The following TDRD3 variants were observed in gnomAD, a reference collection of about 807,000 sequenced individuals.
TDRD3 encodes tudor domain-containing protein 3.
In TDRD3, 45 loss-of-function variants were observed where a neutral mutation model predicts 86.7. The observed-to-expected ratio is 0.52, with a 90% CI of 0.41 to 0.67. The LOEUF (loss-of-function observed/expected upper bound fraction) is 0.67. TDRD3 is among the 30% of genes least tolerant of loss of function. The probability of loss-of-function intolerance (pLI) is 0.00; values close to 1 mark genes in which losing one functional copy is unlikely to be tolerated. For synonymous variants in TDRD3, 298 were observed against 301.7 expected (o/e 0.99, Z 0.13); for missense variants, 814 against 889.0 (o/e 0.92, Z 1.07).
At chr13:60,413,662 A>G (rs992480303) in intron 1 of TDRD3, among the ~76,000 whole-genome samples, 1 of 152,140 alleles carries the variant, frequency 6.6e-6, no homozygotes, top group Non-Finnish European at 1.5e-5. Flanking sequence ...AAATACATTC[A>G]TGTTACTTGC....
rs144225138 is a variant in TDRD3 at position 60,523,791 on chromosome 13, A to G, written c.1142-4576A>G. On this transcript the variant is annotated intron_variant, in intron 10 of 13. Transcript: ENST00000377881. ...GGGGTTTCACCATGTTGGCCAGACT[A>G]GTTTTGAACTCCTGACCTCAAGTGA... Among the ~76,000 whole-genome samples the G allele has an allele frequency of 5.0e-3, 758 of 151,828 alleles. 3 individuals carry two copies. Among genetic ancestry groups the G allele is most frequent in the Middle Eastern group, 0.024 (7 of 294 alleles).
chr13:60,495,747 C>T (rs1385285939), intron 8 of TDRD3, among the ~76,000 whole-genome samples: 7 of 152,118 alleles, frequency 4.6e-5, no homozygotes, highest in African/African-American at 1.2e-4. Context: ...GGATTACAGG[C>T]GTGAGCCACC....
chr13:60,481,654 C>T (rs950296571), intron 5 of TDRD3, among the ~76,000 whole-genome samples: 1 of 151,868 alleles, frequency 6.6e-6, no homozygotes, highest in Non-Finnish European at 1.5e-5. Context: ...CTTTTAAATA[C>T]TTACACATAG....
chr13:60,522,800 C>A (rs1174803372), intron 10 of TDRD3, among the ~76,000 whole-genome samples: 1 of 152,158 alleles, frequency 6.6e-6, no homozygotes. Flanking sequence ...TGTGAAAGAG[C>A]CTTTGTGATT....
At chr13:60,551,472 T>C (rs183918979) in intron 12 of TDRD3, among the ~76,000 whole-genome samples, 10 of 152,186 alleles carry the variant, frequency 6.6e-5, no homozygotes, top group Non-Finnish European at 1.5e-4. Context: ...CTGAAAGTAA[T>C]GCTTGTTGCC....
At chr13:60,453,421 T>C (rs1955593040) in intron 3 of TDRD3, among the ~76,000 whole-genome samples, 1 of 152,226 alleles carries the variant, frequency 6.6e-6, no homozygotes, top group Admixed American at 6.5e-5. Context: ...AGTAATTGTT[T>C]TTCTACTGAA....
At chr13:60,405,109 G>A (rs191611762) in intron 1 of TDRD3, among the ~76,000 whole-genome samples, 27 of 152,146 alleles carry the variant, frequency 1.8e-4, no homozygotes, top group Admixed American at 7.2e-4. Context: ...TAAATTGCCC[G>A]GTCTCAGGTA....
intron 2 of TDRD3, among the ~76,000 whole-genome samples, chr13:60,442,471 T>C (rs1468635424): frequency 6.6e-6 from 1 of 151,936 alleles, no homozygotes; most frequent in African/African-American, 2.4e-5. Flanking sequence ...AGGCTAAAAG[T>C]TTTCCTGTAT....
chr13:60,496,299 AT>A (rs1430618499), intron 8 of TDRD3, among the ~76,000 whole-genome samples: 1 of 15,640 alleles, frequency 6.4e-5, no homozygotes, highest in East Asian at 1.3e-3. Flanking sequence ...ATATATATAT[AT>A]ATATATATAT....
Position 60,567,621 on chromosome 13 carries a change from C to T in TDRD3, c.2215C>T (p.Pro739Ser). The T allele has an allele frequency of 1.2e-6, 2 of 1,614,144 alleles. No homozygotes were observed. Among genetic ancestry groups the T allele is most frequent in the Non-Finnish European group, 1.7e-6 (2 of 1,180,032 alleles). The change falls in exon 13 of 14, where the codon CCA becomes TCA. Residue 739 changes from proline (P) to serine (S), a missense_variant. Physicochemically the swap from Pro to Ser is moderately conservative, Grantham distance 74. Coordinates refer to ENST00000377881, the MANE Select transcript of TDRD3 (RefSeq NM_001146070.2). ...STRPTQQFYQPPRARN is the reference protein window; with the variant it reads ...STRPTQQFYQSPRARN The stretch of plus-strand genomic sequence containing the variant: ...TCGGCCAACCCAACAGTTTTACCAA[C>T]CACCCCGGGCTCGGAACTAATAGGA...
In TDRD3 at chr13:60,438,972, A is replaced by C. The variant is rs17058169; in HGVS notation, c.42-716A>C. 9.4e-3 allele frequency among the ~76,000 whole-genome samples: 1,428 copies of C among 152,226 alleles called. 19 individuals are homozygous for C. Among genetic ancestry groups the C allele is most frequent in the African/African-American group, 0.032 (1,331 of 41,530 alleles). On this transcript the variant is annotated intron_variant, in intron 1 of 13. Coordinates refer to ENST00000377881, the MANE Select transcript of TDRD3 (RefSeq NM_001146070.2). Reference sequence around the variant, plus strand: ...GTTGAGTTTATCAAAGAGTTTCAAAATGTCCATGGGTATGGGTAGAGACGA... The same window carrying C: ...GTTGAGTTTATCAAAGAGTTTCAAACTGTCCATGGGTATGGGTAGAGACGA...
intron 1 of TDRD3, among the ~76,000 whole-genome samples, chr13:60,398,864 GT>G (rs138378209): frequency 6.6e-6 from 1 of 152,222 alleles, no homozygotes; most frequent in Admixed American, 6.5e-5. Flanking sequence ...TCTTCTTTCA[GT>G]TTTTTTACCC....
chr13:60,426,906 A>G (rs9538692), intron 1 of TDRD3, among the ~76,000 whole-genome samples: 20,907 of 152,244 alleles, frequency 0.14, 1,514 homozygotes, highest in East Asian at 0.2. Context: ...CATAGGCTAT[A>G]TGGCATAGCC....
chr13:60,402,037 C>A (rs1954115880), intron 1 of TDRD3, among the ~76,000 whole-genome samples: 1 of 152,206 alleles, frequency 6.6e-6, no homozygotes, highest in African/African-American at 2.4e-5. Context: ...AAGATAGCTA[C>A]TACAAAGATG....
At chr13:60,564,318 A>G (rs1019324571) in intron 12 of TDRD3, among the ~76,000 whole-genome samples, 3 of 152,160 alleles carry the variant, frequency 2.0e-5, no homozygotes, top group Non-Finnish European at 4.4e-5. Context: ...GACTTCAATC[A>G]AATACATTTA....
At chr13:60,479,940 C>G (rs1042809618) in intron 5 of TDRD3, among the ~76,000 whole-genome samples, 5 of 152,162 alleles carry the variant, frequency 3.3e-5, no homozygotes, top group African/African-American at 1.2e-4. Context: ...TTGAGTCTTG[C>G]TTCTTTATCC....
chr13:60,491,761 C>CA (rs1175392528), intron 7 of TDRD3, among the ~76,000 whole-genome samples: 1 of 150,104 alleles, frequency 6.7e-6, no homozygotes, highest in Non-Finnish European at 1.5e-5. Flanking sequence ...TTGATGTGGT[C>CA]AAAATCTATG....
At chr13:60,511,135 A>T (rs1957050657) in intron 10 of TDRD3, among the ~76,000 whole-genome samples, 1 of 152,142 alleles carries the variant, frequency 6.6e-6, no homozygotes, top group South Asian at 2.1e-4. Context: ...GAAAATGTTC[A>T]CACAATGAGT....
At chr13:60,477,467 G>C (rs1225611701) in intron 5 of TDRD3, among the ~76,000 whole-genome samples, 3 of 151,992 alleles carry the variant, frequency 2.0e-5, no homozygotes, top group African/African-American at 7.2e-5. Flanking sequence ...CTCCTTGTTT[G>C]GCCTCCCAAA....
Sources: allele counts gnomAD v4.1 joint callset (sites outside exome capture counted in the v4.1 genomes callset), GRCh38; gene constraint gnomAD v4.1.1; transcripts MANE v1.5; gene names NCBI Gene and HGNC (gene_info 2026-07-23, HGNC 2026-07-21).